SNAP29: variants seen among roughly 807,000 people sequenced by gnomAD.
SNAP29 encodes the protein synaptosome associated protein 29, also known as synaptosomal-associated protein 29.
SNAP29 carries 13 observed loss-of-function variants against 27.9 expected under a neutral mutation model. The ratio of observed to expected loss-of-function variants is 0.47; its 90% CI spans 0.30 to 0.74. SNAP29 has a LOEUF of 0.74. Among genes scored for constraint, SNAP29 ranks in the 30% least tolerant of loss-of-function variants. SNAP29 has a pLI of 0.06. For synonymous variants in SNAP29, 119 were observed against 127.1 expected (o/e 0.94, Z 0.43); for missense variants, 368 against 336.5 (o/e 1.09, Z -0.73).
Position 20,888,313 on chromosome 22 carries a change from A to T in SNAP29, c.*477A>T, listed in dbSNP as rs1483579431. The stretch of plus-strand genomic sequence containing the variant: ...CACCTTTGTTTAGGAGTCATCATTC[A>T]CACACACACACACACACACACACAC... On this transcript the variant is annotated 3_prime_UTR_variant, in exon 5 of 5. Transcript: ENST00000215730. The T allele has an allele frequency of 2.1e-4, 9 of 43,078 alleles. No individual in the cohort carries two copies. Among genetic ancestry groups the T allele is most frequent in the East Asian group, 1.6e-3 (4 of 2,434 alleles). 2.7% of individuals were successfully genotyped at this position (43,078 alleles called of 1,614,324 possible).
chr22:20,860,583 C>T (rs2147857873), intron 1 of SNAP29, among the ~76,000 whole-genome samples: 1 of 151,932 alleles, frequency 6.6e-6, no homozygotes, highest in Admixed American at 6.5e-5. Flanking sequence ...GTTGGCCAGG[C>T]TGGTCTGGAA....
intron 1 of SNAP29, among the ~76,000 whole-genome samples, chr22:20,862,479 T>A (rs2147859551): frequency 6.6e-6 from 1 of 152,162 alleles, no homozygotes; most frequent in Middle Eastern, 3.4e-3. Context: ...ACTGGGTGTG[T>A]TAGAGGACAG....
intron 1 of SNAP29, among the ~76,000 whole-genome samples, chr22:20,869,416 G>A (rs1271520837): frequency 6.6e-6 from 1 of 152,136 alleles, no homozygotes; most frequent in African/African-American, 2.4e-5. Context: ...GTATCTGGAT[G>A]GAAAACATTA....
chr22:20,872,783 GCCT>G lies in SNAP29; in HGVS notation c.434+2252_434+2254del, dbSNP rs1227903814. Among the ~76,000 whole-genome samples the G allele has an allele frequency of 9.5e-5, 13 of 137,062 alleles. No homozygotes were observed. In the East Asian group the frequency reaches 2.5e-3, roughly 26 times the overall value. The allele number at this position is 137,062 out of a possible 152,430, so 89.9% of individuals were successfully genotyped here. On this transcript the variant is annotated intron_variant, in intron 2 of 4. Coordinates refer to ENST00000215730, the MANE Select transcript of SNAP29 (RefSeq NM_004782.4). The stretch of plus-strand genomic sequence containing the variant: ...ACTCCTGACCTCAGGTGATCCACCT[GCCT>G]CAGCCTCCTAGAGTGCCGAGCCACC...
intron 2 of SNAP29, among the ~76,000 whole-genome samples, chr22:20,877,362 G>T (rs188175790): frequency 1.3e-5 from 2 of 152,252 alleles, no homozygotes; most frequent in East Asian, 1.9e-4. Context: ...TTCGAGACCA[G>T]CCTCACCAAC....
chr22:20,865,712 A>G (rs530161486), intron 1 of SNAP29, among the ~76,000 whole-genome samples: 9 of 152,330 alleles, frequency 5.9e-5, no homozygotes, highest in African/African-American at 2.2e-4. Context: ...CAATGAAAAG[A>G]TGCTGATTAA....
chr22:20,869,562 A>C (rs1297498950), intron 1 of SNAP29, among the ~76,000 whole-genome samples: 1 of 152,176 alleles, frequency 6.6e-6, no homozygotes, highest in Non-Finnish European at 1.5e-5. Flanking sequence ...TTGAAATAGA[A>C]TTTGAGGATT....
Position 20,890,598 on chromosome 22 carries a change from A to T in SNAP29, c.*2762A>T. 1 of 280,792 alleles carries T rather than the reference A, an allele frequency of 3.6e-6. No individual in the cohort carries two copies. Among genetic ancestry groups the T allele is most frequent in the African/African-American group, 2.2e-5 (1 of 45,078 alleles). The allele number at this position is 280,792 out of a possible 1,614,324, so 17.4% of individuals were successfully genotyped here. ...CGGTGAAACCCCATCTCTACTAAAA[A>T]CACACAAAAAATTAGCTGGGCGTGG... On this transcript the variant is annotated 3_prime_UTR_variant, in exon 5 of 5. Coordinates refer to ENST00000215730, the MANE Select transcript of SNAP29 (RefSeq NM_004782.4).
chr22:20,862,852 CA>C (rs2147859818), intron 1 of SNAP29, among the ~76,000 whole-genome samples: 1 of 152,276 alleles, frequency 6.6e-6, no homozygotes, highest in East Asian at 1.9e-4. Flanking sequence ...CCACCACACC[CA>C]GTGTTCTCCA....
chr22:20,861,829 T>G (rs1231737472), intron 1 of SNAP29, among the ~76,000 whole-genome samples: 1 of 152,164 alleles, frequency 6.6e-6, no homozygotes, highest in Non-Finnish European at 1.5e-5. Context: ...GAGACGGGGT[T>G]TCACTGTGTT....
intron 1 of SNAP29, among the ~76,000 whole-genome samples, chr22:20,866,329 C>T (rs1176488781): frequency 1.3e-5 from 2 of 152,212 alleles, no homozygotes; most frequent in South Asian, 2.1e-4. Flanking sequence ...TGGGTGCTCA[C>T]GTATCCCTGC....
At chr22:20,886,812 C>G (rs1224819070) in intron 4 of SNAP29, among the ~76,000 whole-genome samples, 1 of 151,862 alleles carries the variant, frequency 6.6e-6, no homozygotes, top group Non-Finnish European at 1.5e-5. Flanking sequence ...GGGGTTTCAC[C>G]ATGTTGGCCA....
At chr22:20,879,364 A>C (rs1179092287) in intron 2 of SNAP29, among the ~76,000 whole-genome samples, 4 of 151,306 alleles carry the variant, frequency 2.6e-5, no homozygotes, top group African/African-American at 9.7e-5. Context: ...GCATGGCTGT[A>C]ATCCTGGCAC....
intron 1 of SNAP29, among the ~76,000 whole-genome samples, chr22:20,865,005 A>G (rs1928423919): frequency 6.6e-6 from 1 of 152,204 alleles, no homozygotes; most frequent in African/African-American, 2.4e-5. Flanking sequence ...ACTCACCGCT[A>G]GGTCTGTTCG....
At chr22:20,880,904 A>G in intron 2 of SNAP29, 145 bp from the exon 3 acceptor site, 1 of 631,802 alleles carries the variant, frequency 1.6e-6, no homozygotes. Context: ...GAAGCTGTTG[A>G]AATCCCTACT....
chr22:20,876,110 A>G (rs1281316683), intron 2 of SNAP29, among the ~76,000 whole-genome samples: 1 of 151,670 alleles, frequency 6.6e-6, no homozygotes, highest in African/African-American at 2.4e-5. Flanking sequence ...GCAGTGAGCC[A>G]AGATCAAGCC....
chr22:20,879,851 T>TAAAAAAAAAA, intron 2 of SNAP29, among the ~76,000 whole-genome samples: 1 of 98,074 alleles, frequency 1.0e-5, no homozygotes, highest in African/African-American at 3.8e-5. Context: ...TGAAAAAATT[T>TAAAAAAAAAA]AAAAAAAAAA....
intron 1 of SNAP29, among the ~76,000 whole-genome samples, chr22:20,862,884 T>C (rs2147859829): frequency 6.6e-6 from 1 of 151,874 alleles, no homozygotes; most frequent in Middle Eastern, 3.4e-3. Context: ...GTTTTTGTGT[T>C]TTGTTTTGGG....
chr22:20,865,490 C>T (rs1339137980), intron 1 of SNAP29, among the ~76,000 whole-genome samples: 1 of 152,218 alleles, frequency 6.6e-6, no homozygotes, highest in Non-Finnish European at 1.5e-5. Context: ...CTCACAGCTG[C>T]CACATTGTCC....
Sources: gnomAD v4.1 joint callset for allele counts (sites outside exome capture counted in the v4.1 genomes callset) on GRCh38, gnomAD v4.1.1 for gene constraint, MANE v1.5 for transcripts, NCBI Gene and HGNC (gene_info 2026-07-23, HGNC 2026-07-21) for gene names.